FMO1: variants seen among roughly 807,000 people sequenced by gnomAD.
FMO1 encodes the protein flavin containing dimethylaniline monoxygenase 1, also known as flavin-containing monooxygenase 1.
Under a neutral mutation model 45.4 loss-of-function variants are expected in FMO1, and 36 were observed. The observed-to-expected ratio is 0.79, with a 90% CI of 0.61 to 1.05. The LOEUF (loss-of-function observed/expected upper bound fraction) is 1.05. FMO1 is among the 50% of genes least tolerant of loss of function. The pLI is 0.00. For missense variants in FMO1, 615 were observed against 640.3 expected (o/e 0.96, Z 0.43); for synonymous variants, 228 against 227.2 (o/e 1.00, Z -0.03).
chr1:171,275,697 G>T (rs183390363), intron 4 of FMO1, among the ~76,000 whole-genome samples, 189 bp downstream of exon 4: 3 of 151,894 alleles, frequency 2.0e-5, no homozygotes, highest in East Asian at 1.9e-4. Flanking sequence ...GCTTTCATTT[G>T]TTCCAAACAA....
chr1:171,249,687 G>A (rs576617069), intron 1 of FMO1, among the ~76,000 whole-genome samples: 2 of 108,022 alleles, frequency 1.9e-5, no homozygotes, highest in East Asian at 5.1e-4. Flanking sequence ...AGGTGTAGGA[G>A]TGTGTGTGTG....
chr1:171,264,057 G>A (rs1303665458), intron 2 of FMO1, among the ~76,000 whole-genome samples: 2 of 152,156 alleles, frequency 1.3e-5, no homozygotes, highest in African/African-American at 4.8e-5. Context: ...TCCTCTGTAA[G>A]CTACAGTTTC....
chr1:171,250,253 CT>C (rs1452092847), intron 1 of FMO1, among the ~76,000 whole-genome samples: 2 of 152,188 alleles, frequency 1.3e-5, no homozygotes, highest in African/African-American at 4.8e-5. Context: ...TCTATTCTAC[CT>C]CAGTTTTCAT....
chr1:171,273,725 C>A (rs1660974942), intron 3 of FMO1, among the ~76,000 whole-genome samples: 1 of 152,224 alleles, frequency 6.6e-6, no homozygotes, highest in East Asian at 1.9e-4. Context: ...CTATGCCGCC[C>A]AGGGTGGTCT....
rs1382800733 is a variant in FMO1, at chr1:171,282,084, A to G, written c.934A>G (p.Ile312Val). ...SIKEVKENSVIFNNTSKEEPI... is the reference protein window; with the variant it reads ...SIKEVKENSVVFNNTSKEEPI... ...AAAAGAGGTAAAGGAAAACTCTGTC[A>G]TATTTAACAATACTTCAAAGGAAGA... The change falls in exon 7 of 9, where the codon ATA (isoleucine) becomes GTA (valine). Residue 312 changes from isoleucine to valine, a missense_variant. Transcript: ENST00000617670. 3 of 1,613,936 alleles carry G rather than the reference A, an allele frequency of 1.9e-6. No individual in the cohort carries two copies. The highest frequency in any genetic ancestry group is 2.5e-6 in the Non-Finnish European group (3 of 1,179,834).
chr1:171,259,106 A>T (rs1487625624), intron 2 of FMO1, among the ~76,000 whole-genome samples: 2 of 152,236 alleles, frequency 1.3e-5, no homozygotes, highest in African/African-American at 4.8e-5. Flanking sequence ...AAGAGTGAAA[A>T]GAAGCAAGGT....
At chr1:171,270,898 G>T in intron 3 of FMO1, 1 of 713,476 alleles carries the variant, frequency 1.4e-6, no homozygotes, top group South Asian at 1.8e-5. Flanking sequence ...AGTGACTTGT[G>T]AACAGTAGGG....
chr1:171,283,093 A>T (rs755721540), intron 7 of FMO1, 51 bp from the exon 8 acceptor site: 1 of 940,320 alleles, frequency 1.1e-6, no homozygotes, highest in Admixed American at 1.9e-5. Context: ...ATAAGTCAAC[A>T]GCTAGACCTA....
At position 171,275,342 on chromosome 1, in the gene FMO1, T is replaced by G. The variant is rs200600165; in HGVS notation, c.322-4T>G. 2 of 1,613,064 alleles carry G rather than the reference T, an allele frequency of 1.2e-6. No homozygotes were observed. Among genetic ancestry groups the G allele is most frequent in the Middle Eastern group, 1.7e-4 (1 of 6,056 alleles). ...GCTAATCATATCTGTGATTCTTTTTTCAGACCAAAGTCTGCAGTGTAACAA... is the reference window on the plus strand; with the variant it reads ...GCTAATCATATCTGTGATTCTTTTTGCAGACCAAAGTCTGCAGTGTAACAA... On this transcript the variant is annotated splice_polypyrimidine_tract_variant and splice_region_variant and intron_variant, in intron 3 of 8. Coordinates refer to ENST00000617670, the MANE Select transcript of FMO1 (RefSeq NM_001282693.2).
At chr1:171,255,041 T>C (rs1660092029) in intron 1 of FMO1, among the ~76,000 whole-genome samples, 1 of 152,232 alleles carries the variant, frequency 6.6e-6, no homozygotes, top group Non-Finnish European at 1.5e-5. Flanking sequence ...CTTAGCAATA[T>C]AGAAACCACG....
chr1:171,264,707 G>T (rs1660534861), intron 2 of FMO1, among the ~76,000 whole-genome samples: 1 of 151,992 alleles, frequency 6.6e-6, no homozygotes, highest in South Asian at 2.1e-4. Context: ...GGCTAACATG[G>T]TGAAACCCCG....
intron 3 of FMO1, among the ~76,000 whole-genome samples, chr1:171,270,332 T>A (rs1177261616): frequency 6.6e-6 from 1 of 152,214 alleles, no homozygotes; most frequent in East Asian, 1.9e-4. Context: ...CAACTTAACT[T>A]TACCCCCATA....
Position 171,280,981 on chromosome 1 carries a change from G to A in FMO1, c.823G>A (p.Asp275Asn). 6.2e-7 allele frequency: 1 copy of A among 1,613,412 alleles called. No individual in the cohort carries two copies. Residue 275 changes from aspartate (D) to asparagine (N), a missense_variant, in exon 6 of 9, where the codon GAC (aspartate) becomes AAC (asparagine). Transcript: ENST00000617670. ...NHANYGLIPE[D>N]RTQLKEFVLN... ...TGCAAATTACGGCTTAATACCAGAAGACAGGTAAATATAATGTGACTGCCA... is the reference window on the plus strand; with the variant it reads ...TGCAAATTACGGCTTAATACCAGAAAACAGGTAAATATAATGTGACTGCCA...
At chr1:171,269,434 CTT>C (rs1162026428) in intron 3 of FMO1, among the ~76,000 whole-genome samples, 1 of 152,000 alleles carries the variant, frequency 6.6e-6, no homozygotes, top group African/African-American at 2.4e-5. Context: ...AAAGGTGACT[CTT>C]GTTTGGTTTT....
intron 2 of FMO1, among the ~76,000 whole-genome samples, chr1:171,263,718 C>T (rs903968880): frequency 3.3e-5 from 5 of 152,170 alleles, no homozygotes; most frequent in Admixed American, 1.3e-4. Flanking sequence ...TTAGAGGGCA[C>T]GTGCTTCCAC....
chr1:171,278,458 AT>A (rs1661201528), intron 4 of FMO1, among the ~76,000 whole-genome samples: 1 of 152,150 alleles, frequency 6.6e-6, no homozygotes, highest in Admixed American at 6.6e-5. Context: ...TTTGCTTAAT[AT>A]ATCTTTATGC....
chr1:171,285,532 G>A lies in FMO1; in HGVS notation c.1587G>A (p.Leu529=), dbSNP rs200126282. The A allele has an allele frequency of 3.3e-6, 5 of 1,504,090 alleles. No individual in the cohort carries two copies. The highest frequency in any genetic ancestry group is 3.6e-4 in the Middle Eastern group (2 of 5,574). The allele number at this position is 1,504,090 out of a possible 1,614,324, so 93.2% of individuals were successfully genotyped here. Residue 529 remains leucine (L), a synonymous_variant, in exon 9 of 9, where the codon CTG becomes CTA. Coordinates refer to ENST00000617670, the MANE Select transcript of FMO1 (RefSeq NM_001282693.2). ...TGGCTTTGCTTGTGGCTATTTTTCT[G>A]ATTTTCCTATAAGTAAAAGATCTCC... ...SFLALLVAIF[L]IFL
At chr1:171,282,527 G>A in intron 7 of FMO1, 194 bp downstream of exon 7, 1 of 452,588 alleles carries the variant, frequency 2.2e-6, no homozygotes, top group Non-Finnish European at 3.8e-6. Context: ...GTATATCAGG[G>A]TCAAAAATAT....
chr1:171,271,019 C>T, intron 3 of FMO1: 2 of 992,442 alleles, frequency 2.0e-6, no homozygotes, highest in South Asian at 2.7e-5. Context: ...TCATCTTCCT[C>T]ATCTTCCTCC....
Sources: gnomAD v4.1 joint callset for allele counts (sites outside exome capture counted in the v4.1 genomes callset) on GRCh38, gnomAD v4.1.1 for gene constraint, MANE v1.5 for transcripts, NCBI Gene and HGNC (gene_info 2026-07-23, HGNC 2026-07-21) for gene names.